ATP8A2: variants seen among roughly 807,000 people sequenced by gnomAD.
ATP8A2 encodes ATPase phospholipid transporting 8A2, also known as phospholipid-transporting ATPase IB.
Under a neutral mutation model 165.6 loss-of-function variants are expected in ATP8A2, and 100 were observed. The ratio of observed to expected loss-of-function variants is 0.60; its 90% CI spans 0.51 to 0.71. ATP8A2 has a LOEUF of 0.71. Ranked by LOEUF, ATP8A2 falls within the 30% of genes least tolerant of loss-of-function variation. ATP8A2 has a pLI of 0.00. For missense variants in ATP8A2, 1,227 were observed against 1,479.5 expected, an observed-to-expected ratio of 0.83 and a Z score of 2.80; for synonymous variants, 543 against 548.8, an observed-to-expected ratio of 0.99 and a Z score of 0.15.
Position 25,984,620 on chromosome 13 carries a change from ACAAC to A in ATP8A2, c.3377+15942_3377+15945del, listed in dbSNP as rs1358997883. Among the ~76,000 whole-genome samples, 10 of 149,076 alleles carry A rather than the reference ACAAC, an allele frequency of 6.7e-5. No homozygotes were observed. The East Asian group carries it at 7.7e-4, about 11-fold the overall frequency. On this transcript the variant is annotated intron_variant, in intron 35 of 36. Transcript: ENST00000381655. ...CTCAAAAAAAAAAAAACAAACAAAAACAACAAACAAAAACGAAACAAAACAAAAA... is the reference window on the plus strand; with the variant it reads ...CTCAAAAAAAAAAAAACAAACAAAAAAAACAAAAACGAAACAAAACAAAAA...
intron 1 of ATP8A2, among the ~76,000 whole-genome samples, chr13:25,442,259 C>T (rs950878634): frequency 7.2e-5 from 11 of 152,170 alleles, no homozygotes; most frequent in African/African-American, 2.7e-4. Flanking sequence ...TACATATATA[C>T]TCAGAAGTGA....
chr13:25,799,036 C>G (rs1181624147), intron 27 of ATP8A2, among the ~76,000 whole-genome samples: 1 of 151,308 alleles, frequency 6.6e-6, no homozygotes, highest in Non-Finnish European at 1.5e-5. Flanking sequence ...AAAAGCACAC[C>G]AATTTATTTA....
chr13:25,891,245 C>T (rs1448602838), intron 33 of ATP8A2, among the ~76,000 whole-genome samples: 2 of 152,172 alleles, frequency 1.3e-5, no homozygotes, highest in African/African-American at 2.4e-5. Flanking sequence ...TTACGCCACT[C>T]GAAAACGATC....
chr13:25,592,462 T>A (rs2040113047), intron 24 of ATP8A2, among the ~76,000 whole-genome samples: 1 of 152,254 alleles, frequency 6.6e-6, no homozygotes, highest in African/African-American at 2.4e-5. Flanking sequence ...CATGAGGGGC[T>A]GAGTACAAGT....
At chr13:25,999,738 G>A in intron 35 of ATP8A2, among the ~76,000 whole-genome samples, 1 of 152,162 alleles carries the variant, frequency 6.6e-6, no homozygotes, top group East Asian at 1.9e-4. Flanking sequence ...TACAAATGCT[G>A]AATTAATGGG....
chr13:25,626,051 A>G (rs1174908085), intron 24 of ATP8A2, among the ~76,000 whole-genome samples: 1 of 152,210 alleles, frequency 6.6e-6, no homozygotes, highest in Non-Finnish European at 1.5e-5. Flanking sequence ...TTTCCAAAAA[A>G]GAAGATGAAT....
At chr13:25,667,949 T>C (rs1026714031) in intron 24 of ATP8A2, among the ~76,000 whole-genome samples, 2 of 152,184 alleles carry the variant, frequency 1.3e-5, no homozygotes, top group African/African-American at 4.8e-5. Flanking sequence ...CCTGCTGCTG[T>C]ATAGCTCTGT....
At chr13:25,954,822 C>A (rs58028053) in intron 33 of ATP8A2, among the ~76,000 whole-genome samples, 9,147 of 152,212 alleles carry the variant, frequency 0.06, 379 homozygotes, top group African/African-American at 0.12. Context: ...AAAGGATGTC[C>A]ACTCAAAAAC....
chr13:25,489,459 G>C (rs755270979), intron 2 of ATP8A2, among the ~76,000 whole-genome samples: 5 of 152,130 alleles, frequency 3.3e-5, no homozygotes, highest in Non-Finnish European at 7.3e-5. Context: ...GTGCCGCAGC[G>C]TTTCTCAGAC....
In ATP8A2 at chr13:25,452,954, G is replaced by A. The variant is rs550091853; in HGVS notation, c.77-16023G>A. 4.1e-3 allele frequency among the ~76,000 whole-genome samples: 626 copies of A among 151,832 alleles called. 3 individuals are homozygous for A. The highest frequency in any genetic ancestry group is 0.011 in the South Asian group (54 of 4,802). On this transcript the variant is annotated intron_variant, in intron 1 of 36. Coordinates refer to ENST00000381655, the MANE Select transcript of ATP8A2 (RefSeq NM_016529.6). ...TACTAAAAATACAAAAATTAGCCATGCATGGTGGTGGGCGCCGGTAATTCC... is the reference window on the plus strand; with the variant it reads ...TACTAAAAATACAAAAATTAGCCATACATGGTGGTGGGCGCCGGTAATTCC...
intron 35 of ATP8A2, among the ~76,000 whole-genome samples, chr13:26,005,642 A>G (rs569513754): frequency 6.6e-6 from 1 of 151,920 alleles, no homozygotes; most frequent in Non-Finnish European, 1.5e-5. Flanking sequence ...TTCCATTTTC[A>G]TTTGTTTCAA....
chr13:25,628,456 C>T (rs2041157793), intron 24 of ATP8A2, among the ~76,000 whole-genome samples: 1 of 152,166 alleles, frequency 6.6e-6, no homozygotes, highest in Admixed American at 6.6e-5. Flanking sequence ...TACTTCCTTG[C>T]CTTTTATTCA....
At chr13:25,735,512 C>T (rs570535551) in intron 25 of ATP8A2, among the ~76,000 whole-genome samples, 6 of 152,046 alleles carry the variant, frequency 3.9e-5, no homozygotes, top group East Asian at 3.9e-4. Flanking sequence ...CTTCCTACCT[C>T]GGCCTCCCAA....
At chr13:26,004,521 C>G (rs1956702890) in intron 35 of ATP8A2, among the ~76,000 whole-genome samples, 1 of 151,950 alleles carries the variant, frequency 6.6e-6, no homozygotes, top group African/African-American at 2.4e-5. Flanking sequence ...CCTAATGGCT[C>G]TGGCTGGGAC....
At chr13:25,969,888 G>T (rs571584875) in intron 35 of ATP8A2, among the ~76,000 whole-genome samples, 1 of 152,100 alleles carries the variant, frequency 6.6e-6, no homozygotes, top group African/African-American at 2.4e-5. Context: ...TAACCACTAC[G>T]CGTGGTTGAG....
chr13:25,992,726 T>C (rs889626916), intron 35 of ATP8A2, among the ~76,000 whole-genome samples: 1 of 152,014 alleles, frequency 6.6e-6, no homozygotes, highest in East Asian at 1.9e-4. Flanking sequence ...TTAGGGTACA[T>C]GTGCACATTG....
At chr13:25,481,249 G>C (rs1298569976) in intron 2 of ATP8A2, among the ~76,000 whole-genome samples, 1 of 152,098 alleles carries the variant, frequency 6.6e-6, no homozygotes, top group Non-Finnish European at 1.5e-5. Flanking sequence ...GGTCTTCATA[G>C]TTACTTCCCA....
At chr13:25,584,317 G>A (rs1272467438) in intron 23 of ATP8A2, among the ~76,000 whole-genome samples, 2 of 152,182 alleles carry the variant, frequency 1.3e-5, no homozygotes, top group African/African-American at 4.8e-5. Context: ...TCATGCTCTA[G>A]ATACAGAGTG....
chr13:25,525,964 C>G (rs565799724), intron 2 of ATP8A2, among the ~76,000 whole-genome samples: 1 of 152,084 alleles, frequency 6.6e-6, no homozygotes, highest in South Asian at 2.1e-4. Flanking sequence ...GAGGTAATTT[C>G]CTTTATCTTG....
Sources: allele counts gnomAD v4.1 joint callset (sites outside exome capture counted in the v4.1 genomes callset), GRCh38; gene constraint gnomAD v4.1.1; transcripts MANE v1.5; gene names NCBI Gene and HGNC (gene_info 2026-07-23, HGNC 2026-07-21).